Variants in FOXP1 observed in about 807,000 individuals in gnomAD.
The protein encoded by FOXP1 is forkhead box protein P1.
A neutral mutation model predicts 98.2 loss-of-function variants in FOXP1; 15 were observed. The ratio of observed to expected loss-of-function variants is 0.15; its 90% CI spans 0.10 to 0.24. FOXP1 has a LOEUF of 0.24. FOXP1 is among the 10% of genes least tolerant of loss of function. FOXP1 has a pLI of 1.00. For synonymous variants in FOXP1, 371 were observed against 314.5 expected, an observed-to-expected ratio of 1.18 and a Z score of -1.90; for missense variants, 633 against 848.5, an observed-to-expected ratio of 0.75 and a Z score of 3.15.
At chr3:70,971,418 T>C (rs1441980090) in intron 18 of FOXP1, 1 of 155,402 alleles carries the variant, frequency 6.4e-6, no homozygotes, top group Non-Finnish European at 1.4e-5. Context: ...ACGGACCAAA[T>C]GAAACTAACA....
chr3:71,582,577 GC>G (rs2048272291), intron 1 of FOXP1: 2 of 985,472 alleles, frequency 2.0e-6, no homozygotes, highest in African/African-American at 1.7e-5. Context: ...ACAAATCGGA[GC>G]TTGGGAAATC....
intron 10 of FOXP1, among the ~76,000 whole-genome samples, chr3:71,046,708 C>G (rs1232982654): frequency 1.3e-5 from 2 of 152,186 alleles, no homozygotes; most frequent in African/African-American, 2.4e-5. Flanking sequence ...GAGTGTCCAA[C>G]AGTGGGATTG....
chr3:71,543,753 T>TC (rs2045090939), intron 2 of FOXP1, among the ~76,000 whole-genome samples: 1 of 152,198 alleles, frequency 6.6e-6, no homozygotes, highest in South Asian at 2.1e-4. Context: ...TCCCTCTACT[T>TC]CTGTGCCTGG....
chr3:71,053,696 C>A lies in FOXP1; in HGVS notation c.360G>T (p.Val120=), dbSNP rs1298717904. ...QQMQQILQQQ[V]LSPQQLQVLL... is the part of the protein sequence containing the mutation. Reference sequence around the variant, plus strand: ...GAACCTGGAGCTGCTGAGGGCTCAGCACTTGTTGCTGGAGGATCTGCTGCA... The same window carrying A: ...GAACCTGGAGCTGCTGAGGGCTCAGAACTTGTTGCTGGAGGATCTGCTGCA... Residue 120 remains valine, a synonymous_variant, in exon 8 of 21, where the codon GTG becomes GTT. Coordinates refer to ENST00000649528, the MANE Select transcript of FOXP1 (RefSeq NM_001349338.3). The A allele has an allele frequency of 5.0e-6, 8 of 1,614,092 alleles. No individual in the cohort carries two copies. The highest frequency in any genetic ancestry group is 6.8e-6 in the Non-Finnish European group (8 of 1,180,002).
intron 3 of FOXP1, among the ~76,000 whole-genome samples, chr3:71,393,526 A>G (rs1050906701): frequency 6.6e-6 from 1 of 152,214 alleles, no homozygotes; most frequent in African/African-American, 2.4e-5. Context: ...TATAATGTCT[A>G]TAAAACCTGC....
chr3:71,041,286 G>C, intron 11 of FOXP1, 42 bp downstream of exon 11: 1 of 1,562,068 alleles, frequency 6.4e-7, no homozygotes. Flanking sequence ...CCCCTCTCAT[G>C]TTAAAGGCAG....
chr3:71,283,110 G>A (rs1476088910), intron 5 of FOXP1, among the ~76,000 whole-genome samples: 1 of 152,222 alleles, frequency 6.6e-6, no homozygotes, highest in Admixed American at 6.5e-5. Context: ...GGTGCTGAGT[G>A]CAGGGAAATC....
At position 71,368,136 on chromosome 3, in the gene FOXP1, A is replaced by T. The variant is rs574809584; in HGVS notation, c.-167-8892T>A. Among the ~76,000 whole-genome samples, 114 of 151,964 alleles carry T rather than the reference A, an allele frequency of 7.5e-4. 4 individuals carry two copies. The South Asian group carries it at 0.022, about 29-fold the overall frequency. On this transcript the variant is annotated intron_variant, in intron 3 of 20. Coordinates refer to ENST00000649528, the MANE Select transcript of FOXP1 (RefSeq NM_001349338.3). ...TAATTTTTATTTTATTTATTTATTT[A>T]TTTTTTTAGATGGAGTTTCACTCGG...
chr3:71,183,918 C>A (rs755309196), intron 6 of FOXP1, among the ~76,000 whole-genome samples: 1 of 152,030 alleles, frequency 6.6e-6, no homozygotes, highest in Non-Finnish European at 1.5e-5. Context: ...TTTGGGAGGC[C>A]GAGGTGGGAA....
chr3:71,236,822 A>T, intron 5 of FOXP1, among the ~76,000 whole-genome samples: 1 of 151,984 alleles, frequency 6.6e-6, no homozygotes, highest in East Asian at 1.9e-4. Flanking sequence ...GCAATGAGCC[A>T]TAATCCTGCC....
At chr3:71,043,208 T>C (rs2048582402) in intron 10 of FOXP1, among the ~76,000 whole-genome samples, 2 of 152,200 alleles carry the variant, frequency 1.3e-5, no homozygotes, top group African/African-American at 2.4e-5. Context: ...TCAGATATTC[T>C]TAGGAGGCAT....
intron 2 of FOXP1, among the ~76,000 whole-genome samples, chr3:71,546,908 G>C (rs1295609980): frequency 6.6e-6 from 1 of 152,132 alleles, no homozygotes; most frequent in African/African-American, 2.4e-5. Flanking sequence ...TTCATCATGA[G>C]CTTGAGAAAA....
At chr3:71,386,153 G>A (rs1173338259) in intron 3 of FOXP1, among the ~76,000 whole-genome samples, 1 of 152,108 alleles carries the variant, frequency 6.6e-6, no homozygotes, top group African/African-American at 2.4e-5. Context: ...ACACTCAACT[G>A]CAGACTGTAG....
chr3:71,033,289 T>C (rs2047117376), intron 11 of FOXP1, among the ~76,000 whole-genome samples: 1 of 152,034 alleles, frequency 6.6e-6, no homozygotes, highest in Non-Finnish European at 1.5e-5. Flanking sequence ...CCAAAGATGG[T>C]TTTGGGTGGG....
At chr3:71,232,890 A>AAAAAAAAAAAAAAAAAAAAAAAC (rs2066429898) in intron 5 of FOXP1, among the ~76,000 whole-genome samples, 1 of 146,922 alleles carries the variant, frequency 6.8e-6, no homozygotes, top group African/African-American at 2.5e-5. Context: ...AAAAAAAAAA[A>AAAAAAAAAAAAAAAAAAAAAAAC]AAAAAAGCAA....
intron 5 of FOXP1, among the ~76,000 whole-genome samples, chr3:71,287,724 G>T (rs1028740667): frequency 3.3e-5 from 5 of 151,170 alleles, no homozygotes. Context: ...AGGTTGCAGT[G>T]AGCTGAGGTC....
In FOXP1 at chr3:71,405,975, C is replaced by T. The variant is rs1347033777; in HGVS notation, c.-167-46731G>A. 2.6e-5 allele frequency among the ~76,000 whole-genome samples: 4 copies of T among 152,008 alleles called. No homozygotes were observed. In the East Asian group the frequency reaches 7.7e-4, roughly 29 times the overall value. ...GAACTCCTGACCTCAGGTAATCCAC[C>T]TGCCTCGGCCTCCCAAAGTGCTGGG... On this transcript the variant is annotated intron_variant, in intron 3 of 20. Transcript: ENST00000649528.
At chr3:71,525,254 A>G (rs1483451137) in intron 2 of FOXP1, among the ~76,000 whole-genome samples, 12 of 152,234 alleles carry the variant, frequency 7.9e-5, no homozygotes, top group Admixed American at 5.2e-4. Context: ...AATTAGCTTT[A>G]GGAATAAAAG....
At chr3:71,533,473 C>T (rs1053036741) in intron 2 of FOXP1, among the ~76,000 whole-genome samples, 1 of 152,128 alleles carries the variant, frequency 6.6e-6, no homozygotes, top group African/African-American at 2.4e-5. Context: ...ATGGAACATA[C>T]AAAATATGTG....
Sources: allele counts gnomAD v4.1 joint callset (sites outside exome capture counted in the v4.1 genomes callset), GRCh38; gene constraint gnomAD v4.1.1; transcripts MANE v1.5; gene names NCBI Gene and HGNC (gene_info 2026-07-23, HGNC 2026-07-21).